Variants in PRKN observed in about 807,000 individuals in gnomAD.
The protein encoded by PRKN is parkin RBR E3 ubiquitin protein ligase.
A neutral mutation model predicts 59.5 loss-of-function variants in PRKN; 56 were observed. The observed-to-expected ratio is 0.94, with a 90% CI of 0.76 to 1.18. The LOEUF (loss-of-function observed/expected upper bound fraction) is 1.18, where lower values mean the gene tolerates loss of function less well. PRKN is among the 50% of genes most tolerant of loss of function. PRKN has a pLI of 0.00. For missense variants in PRKN, 657 were observed against 596.4 expected, an observed-to-expected ratio of 1.10 and a Z score of -1.06; for synonymous variants, 250 against 222.1, an observed-to-expected ratio of 1.13 and a Z score of -1.12.
chr6:161,364,131 T>C (rs567284433), intron 10 of PRKN, among the ~76,000 whole-genome samples: 1 of 134,798 alleles, frequency 7.4e-6, no homozygotes, highest in Non-Finnish European at 1.5e-5. Context: ...ATCACGCCAC[T>C]GCACTCCAGC....
chr6:162,026,535 T>C (rs751283775), intron 5 of PRKN, among the ~76,000 whole-genome samples: 1 of 152,212 alleles, frequency 6.6e-6, no homozygotes, highest in Admixed American at 6.5e-5. Context: ...CTAAAAGAGA[T>C]GCTTTTGCTG....
intron 7 of PRKN, among the ~76,000 whole-genome samples, chr6:161,685,574 C>T (rs1371124611): frequency 5.3e-5 from 8 of 152,090 alleles, no homozygotes; most frequent in African/African-American, 1.2e-4. Context: ...AAAAACCTAA[C>T]GATTAAATAT....
At chr6:162,581,837 G>C (rs35383933) in intron 1 of PRKN, among the ~76,000 whole-genome samples, 1 of 152,036 alleles carries the variant, frequency 6.6e-6, no homozygotes, top group African/African-American at 2.4e-5. Context: ...TTACTTAACT[G>C]AACTATCTGC....
intron 7 of PRKN, among the ~76,000 whole-genome samples, chr6:161,761,195 A>T (rs1789185117): frequency 6.6e-6 from 1 of 152,198 alleles, no homozygotes; most frequent in Admixed American, 6.5e-5. Context: ...TGAATAAATC[A>T]ATTCTTTATT....
chr6:162,406,267 A>G (rs1216945220), intron 2 of PRKN, among the ~76,000 whole-genome samples: 4 of 152,186 alleles, frequency 2.6e-5, no homozygotes, highest in African/African-American at 7.2e-5. Flanking sequence ...ACCTTTGCTG[A>G]AGTCAGATGG....
chr6:161,589,425 G>T (rs1276033553), intron 7 of PRKN, among the ~76,000 whole-genome samples: 1 of 151,728 alleles, frequency 6.6e-6, no homozygotes, highest in African/African-American at 2.4e-5. Flanking sequence ...CCTATTCTAA[G>T]AAATGAGGAG....
chr6:162,042,807 A>C (rs1181242727), intron 5 of PRKN, among the ~76,000 whole-genome samples: 1 of 152,226 alleles, frequency 6.6e-6, no homozygotes, highest in East Asian at 1.9e-4. Context: ...TGGCACTTAT[A>C]ATTCTTGTGA....
chr6:161,619,165 T>A (rs755437879), intron 7 of PRKN, among the ~76,000 whole-genome samples: 1 of 151,538 alleles, frequency 6.6e-6, no homozygotes, highest in African/African-American at 2.4e-5. Context: ...TTGCCTGGTT[T>A]CACAGACATA....
intron 7 of PRKN, among the ~76,000 whole-genome samples, chr6:161,741,957 T>G (rs1479342741): frequency 2.6e-5 from 4 of 151,210 alleles, no homozygotes; most frequent in Admixed American, 2.0e-4. Context: ...TTTATTTATT[T>G]ATTTATTTAT....
At position 162,459,896 on chromosome 6, in the gene PRKN, A is replaced by G. The variant is rs73783595; in HGVS notation, c.8-16423T>C. Among the ~76,000 whole-genome samples the G allele has an allele frequency of 5.8e-3, 878 of 152,352 alleles. 8 individuals carry two copies. Among genetic ancestry groups the G allele is most frequent in the African/African-American group, 0.02 (850 of 41,580 alleles). ...ATCTCAACAGATAGGGAGAAGGTGG[A>G]ATCTCACACACTGCAGGTGGGAATG... On this transcript the variant is annotated intron_variant, in intron 1 of 11. Transcript: ENST00000366898.
intron 1 of PRKN, among the ~76,000 whole-genome samples, chr6:162,490,058 T>C (rs769739727): frequency 6.6e-6 from 1 of 152,176 alleles, no homozygotes; most frequent in Non-Finnish European, 1.5e-5. Flanking sequence ...CTTACCATAG[T>C]GACAGTGACA....
chr6:162,520,698 G>T (rs2128193410), intron 1 of PRKN, among the ~76,000 whole-genome samples: 1 of 151,870 alleles, frequency 6.6e-6, no homozygotes, highest in South Asian at 2.1e-4. Context: ...TTTCTTCCCT[G>T]GGCACAAATT....
intron 3 of PRKN, among the ~76,000 whole-genome samples, chr6:162,218,734 G>T (rs1204207212): frequency 6.6e-6 from 1 of 152,228 alleles, no homozygotes; most frequent in East Asian, 1.9e-4. Flanking sequence ...ACCTAACAGT[G>T]AAGCTCCCTA....
At chr6:162,072,734 G>A (rs544929805) in intron 4 of PRKN, among the ~76,000 whole-genome samples, 2 of 152,278 alleles carry the variant, frequency 1.3e-5, no homozygotes, top group African/African-American at 4.8e-5. Context: ...GAATCTAATG[G>A]CCACTACCAG....
chr6:162,573,240 A>C (rs1351386760), intron 1 of PRKN, among the ~76,000 whole-genome samples: 1 of 152,100 alleles, frequency 6.6e-6, no homozygotes, highest in Non-Finnish European at 1.5e-5. Flanking sequence ...TTACCTCAAA[A>C]ACTAAGACCT....
intron 1 of PRKN, among the ~76,000 whole-genome samples, chr6:162,627,636 G>A (rs1194506225): frequency 6.6e-6 from 1 of 152,132 alleles, no homozygotes; most frequent in African/African-American, 2.4e-5. Context: ...GGGGCAGTTA[G>A]GCAGGGTGAA....
At chr6:161,981,091 G>A (rs569065291) in intron 5 of PRKN, among the ~76,000 whole-genome samples, 22 of 152,256 alleles carry the variant, frequency 1.4e-4, no homozygotes, top group African/African-American at 2.2e-4. Flanking sequence ...AGATGAACTC[G>A]TAATAAGTAT....
chr6:162,048,090 T>G (rs1777454735), intron 5 of PRKN, among the ~76,000 whole-genome samples: 1 of 152,086 alleles, frequency 6.6e-6, no homozygotes, highest in Non-Finnish European at 1.5e-5. Flanking sequence ...AAAAAAATGT[T>G]TGATGTATAA....
intron 1 of PRKN, among the ~76,000 whole-genome samples, chr6:162,452,801 C>T (rs565183041): frequency 1.9e-4 from 24 of 128,816 alleles, no homozygotes; most frequent in East Asian, 1.8e-3. Flanking sequence ...GCAGGGACTA[C>T]GTGGACAGAG....
Sources: gnomAD v4.1 joint callset for allele counts (sites outside exome capture counted in the v4.1 genomes callset) on GRCh38, gnomAD v4.1.1 for gene constraint, MANE v1.5 for transcripts, NCBI Gene and HGNC (gene_info 2026-07-23, HGNC 2026-07-21) for gene names.